Variants in ERAP2 observed in about 807,000 individuals in gnomAD.
ERAP2 encodes the protein endoplasmic reticulum aminopeptidase 2, also known as leukocyte-derived arginine aminopeptidase.
ERAP2 carries 118 observed loss-of-function variants against 111.1 expected under a neutral mutation model. The observed-to-expected ratio is 1.06, with a 90% CI of 0.92 to 1.24. ERAP2 has a LOEUF of 1.24. Ranked by LOEUF, ERAP2 falls within the 50% of genes most tolerant of loss-of-function variation. ERAP2 has a pLI of 0.00. For synonymous variants in ERAP2, 410 were observed against 401.2 expected (o/e 1.02, Z -0.26); for missense variants, 1,131 against 1,125.8 (o/e 1.00, Z -0.07).
chr5:96,883,797 T>C lies in ERAP2; in HGVS notation c.581T>C (p.Leu194Pro). 6.2e-7 allele frequency: 1 copy of C among 1,610,644 alleles called. No homozygotes were observed. The highest frequency in any genetic ancestry group is 8.5e-7 in the Non-Finnish European group (1 of 1,178,924). The part of the protein sequence containing the change: ...YRTLGGETRI[L>P]AVTDFEPTQA... The stretch of plus-strand genomic sequence containing the variant: ...GGGGGTGGGTCTTTTCACAGAATTC[T>C]TGCAGTAACAGATTTTGAGCCAACC... Residue 194 changes from leucine (L) to proline (P), a missense_variant, in exon 3 of 19, where the codon CTT becomes CCT. Leu to Pro is a moderately conservative substitution (Grantham distance 98). Transcript: ENST00000437043.
At chr5:96,912,887 C>A in intron 16 of ERAP2, 89 bp downstream of exon 16, 1 of 1,057,028 alleles carries the variant, frequency 9.5e-7, no homozygotes, top group Non-Finnish European at 1.4e-6. Context: ...GTTTTAAAGG[C>A]ATAAGATAAT....
At chr5:96,915,823 T>A in intron 18 of ERAP2, 54 bp downstream of exon 18, 1 of 1,426,784 alleles carries the variant, frequency 7.0e-7, no homozygotes, top group Non-Finnish European at 9.7e-7. Context: ...AATTGTGGAA[T>A]TGAAAGTAAA....
chr5:96,883,487 T>G (rs915857672), intron 2 of ERAP2, among the ~76,000 whole-genome samples: 1 of 152,250 alleles, frequency 6.6e-6, no homozygotes, highest in South Asian at 2.1e-4. Flanking sequence ...TTCAGTCATT[T>G]ACTGGCTGCG....
chr5:96,882,941 T>C (rs1329626895), intron 2 of ERAP2, among the ~76,000 whole-genome samples: 1 of 152,180 alleles, frequency 6.6e-6, no homozygotes, highest in Admixed American at 6.5e-5. Context: ...CACTTCTTAA[T>C]TGAAGCTTAA....
intron 17 of ERAP2, 23 bp from the exon 18 acceptor site, chr5:96,915,665 A>G (rs747673494): frequency 2.9e-5 from 42 of 1,447,342 alleles, no homozygotes; most frequent in Non-Finnish European, 3.8e-5. Flanking sequence ...ATGACTTTCT[A>G]TGGTGTTTCT....
At chr5:96,908,338 T>C (rs1299187774) in intron 13 of ERAP2, among the ~76,000 whole-genome samples, 2 of 152,250 alleles carry the variant, frequency 1.3e-5, no homozygotes, top group Non-Finnish European at 1.5e-5. Flanking sequence ...CAGCATTTTG[T>C]ACTTAGAATA....
chr5:96,898,747 C>G, intron 9 of ERAP2, among the ~76,000 whole-genome samples: 1 of 151,736 alleles, frequency 6.6e-6, no homozygotes, highest in Middle Eastern at 3.2e-3. Context: ...TAAAACAAAA[C>G]AAAACAAACA....
chr5:96,914,764 C>T (rs1221453386), intron 17 of ERAP2, among the ~76,000 whole-genome samples: 7 of 152,108 alleles, frequency 4.6e-5, no homozygotes, highest in Non-Finnish European at 7.4e-5. Flanking sequence ...AGAGTTCAAC[C>T]AAGTAACATT....
In ERAP2 at chr5:96,879,782, T is replaced by A. The variant is rs772760308; in HGVS notation, c.97T>A (p.Cys33Ser). 6.2e-7 allele frequency: 1 copy of A among 1,614,214 alleles called. No homozygotes were observed. Among genetic ancestry groups the A allele is most frequent in the South Asian group, 1.1e-5 (1 of 91,090 alleles). ...YCLTAILPQICICSQFSVPSS... is the reference protein window; with the variant it reads ...YCLTAILPQISICSQFSVPSS... ...CTTAACAGCCATCTTGCCCCAAATA[T>A]GCATTTGTTCTCAGTTCTCAGTGCC... The change falls in exon 2 of 19, where the codon TGC (cysteine) becomes AGC (serine). Residue 33 changes from cysteine to serine, a missense_variant. Cys to Ser is a moderately radical substitution (Grantham distance 112). Around this residue, in one of 3 missense-constraint regions of ERAP2, gnomAD observed 847 missense variants for 856.5 expected, o/e 0.99. Coordinates refer to ENST00000437043, the MANE Select transcript of ERAP2 (RefSeq NM_022350.5).
intron 9 of ERAP2, among the ~76,000 whole-genome samples, chr5:96,899,867 C>T (rs1347842880): frequency 6.6e-6 from 1 of 152,054 alleles, no homozygotes; most frequent in Non-Finnish European, 1.5e-5. Flanking sequence ...TTCCTTAGAA[C>T]GGTTAATGAC....
chr5:96,878,333 A>T (rs1474860940), intron 1 of ERAP2, among the ~76,000 whole-genome samples: 1 of 152,176 alleles, frequency 6.6e-6, no homozygotes, highest in Non-Finnish European at 1.5e-5. Context: ...AGCAACCTTT[A>T]CACCAGTAGC....
chr5:96,892,763 C>T (rs1784509820), intron 6 of ERAP2, among the ~76,000 whole-genome samples: 1 of 152,294 alleles, frequency 6.6e-6, no homozygotes, highest in East Asian at 1.9e-4. Context: ...GAATTGGAAA[C>T]CTTACAAATA....
At chr5:96,886,623 C>G in intron 3 of ERAP2, 32 bp from the exon 4 acceptor site, 5 of 1,464,916 alleles carry the variant, frequency 3.4e-6, no homozygotes, top group Non-Finnish European at 4.6e-6. Flanking sequence ...CTCCAGTTTT[C>G]AAGTACTGAT....
intron 18 of ERAP2, among the ~76,000 whole-genome samples, chr5:96,916,689 C>T (rs759012889): frequency 4.0e-5 from 6 of 151,038 alleles, no homozygotes; most frequent in Non-Finnish European, 5.9e-5. Flanking sequence ...AGGGTGGTCT[C>T]GATCTCCTGA....
rs1782776334 is a variant in ERAP2, at chr5:96,878,400, C to CATA, written c.-122-1164_-122-1163insATA. 2.1e-4 allele frequency among the ~76,000 whole-genome samples: 4 copies of CATA among 19,088 alleles called. No individual in the cohort carries two copies. The South Asian group carries it at 7.4e-3, about 35-fold the overall frequency. The allele number at this position is 19,088 out of a possible 152,430, so 12.5% of individuals were successfully genotyped here. On this transcript the variant is annotated intron_variant, in intron 1 of 18. Transcript: ENST00000437043. ...GAAAGAGGTGAAGTTCAATGCCATT[C>CATA]GTAGTAATAATAATATCTGGTATCC...
At chr5:96,886,592 C>A in intron 3 of ERAP2, 63 bp from the exon 4 acceptor site, 1 of 1,380,866 alleles carries the variant, frequency 7.2e-7, no homozygotes, top group South Asian at 1.8e-5. Context: ...TGCCATAAGT[C>A]ATAGGCATGG....
At chr5:96,908,854 A>G (rs1786385476) in intron 13 of ERAP2, 107 bp from the exon 14 acceptor site, 2 of 1,178,196 alleles carry the variant, frequency 1.7e-6, no homozygotes, top group Non-Finnish European at 2.4e-6. Context: ...GCCCAGCTAT[A>G]ATGACCTACT....
chr5:96,905,278 T>C (rs983918535), intron 13 of ERAP2, among the ~76,000 whole-genome samples: 2 of 152,152 alleles, frequency 1.3e-5, no homozygotes, highest in Non-Finnish European at 1.5e-5. Context: ...TGTTTGCAAC[T>C]ACAAATGAAA....
Position 96,917,692 on chromosome 5 carries a change from G to A in ERAP2, c.*87G>A, listed in dbSNP as rs1376915076. On this transcript the variant is annotated 3_prime_UTR_variant, in exon 19 of 19. Transcript: ENST00000437043. ...GAGGCTGAGAAGGGCGGATCACGAG[G>A]TCAGGAGATGGAGACCATCCTGGCT... 1 of 1,073,272 alleles carries A rather than the reference G, an allele frequency of 9.3e-7. No individual in the cohort carries two copies. The highest frequency in any genetic ancestry group is 1.6e-5 in the African/African-American group (1 of 60,980). 66.5% of individuals were successfully genotyped at this position (1,073,272 alleles called of 1,614,324 possible). A position where few individuals can be genotyped will look rare whatever the true frequency, so the allele number is the denominator to read the frequency against.
Sources: gnomAD v4.1 joint callset for allele counts (sites outside exome capture counted in the v4.1 genomes callset) on GRCh38, gnomAD v4.1.1 for gene constraint, gnomAD v4.1.1 regional missense constraint, MANE v1.5 for transcripts, NCBI Gene and HGNC (gene_info 2026-07-23, HGNC 2026-07-21) for gene names.